The following RELN variants were observed in gnomAD, a reference collection of about 807,000 sequenced individuals.
The protein encoded by RELN is reelin.
A neutral mutation model predicts 427.6 loss-of-function variants in RELN; 108 were observed. The observed-to-expected ratio is 0.25, with a 90% CI of 0.22 to 0.30. The LOEUF (loss-of-function observed/expected upper bound fraction) is 0.30, where lower values mean the gene tolerates loss of function less well. Ranked by LOEUF, RELN falls within the 10% of genes least tolerant of loss-of-function variation. RELN has a pLI of 1.00. For synonymous variants in RELN, 1,524 were observed against 1,513.4 expected, an observed-to-expected ratio of 1.01 and a Z score of -0.16; for missense variants, 3,715 against 4,302.8, an observed-to-expected ratio of 0.86 and a Z score of 3.82.
chr7:103,972,065 CCT>C (rs1345317828), intron 1 of RELN, among the ~76,000 whole-genome samples: 1 of 151,848 alleles, frequency 6.6e-6, no homozygotes, highest in African/African-American at 2.4e-5. Context: ...AGAGCGAGAC[CCT>C]CTCTCAAAAA....
chr7:103,949,504 A>T (rs180673834), intron 1 of RELN, among the ~76,000 whole-genome samples: 80 of 152,232 alleles, frequency 5.3e-4, no homozygotes, highest in African/African-American at 1.7e-3. Context: ...AGGAAGAGAC[A>T]CAAGACAGCT....
At chr7:103,965,422 T>C (rs1796641439) in intron 1 of RELN, among the ~76,000 whole-genome samples, 1 of 152,202 alleles carries the variant, frequency 6.6e-6, no homozygotes, top group Non-Finnish European at 1.5e-5. Context: ...AAACACATTA[T>C]AGAGTGGCCT....
chr7:103,524,415 CAG>C (rs1584263770), intron 46 of RELN, among the ~76,000 whole-genome samples: 1 of 152,158 alleles, frequency 6.6e-6, no homozygotes, highest in Admixed American at 6.5e-5. Flanking sequence ...AAAGCTAAAA[CAG>C]AGGTTCTCCC....
intron 13 of RELN, among the ~76,000 whole-genome samples, chr7:103,653,064 A>G (rs1459846963): frequency 5.9e-5 from 9 of 152,044 alleles, no homozygotes. Context: ...ATGTGTATCC[A>G]TTTTATTTAA....
intron 20 of RELN, among the ~76,000 whole-genome samples, chr7:103,629,254 A>T (rs139490891): frequency 6.6e-6 from 1 of 152,196 alleles, no homozygotes; most frequent in Non-Finnish European, 1.5e-5. Flanking sequence ...ACTGATGTAC[A>T]TGAAGTACTA....
chr7:103,794,132 G>T (rs1386828204), intron 3 of RELN, among the ~76,000 whole-genome samples: 1 of 152,082 alleles, frequency 6.6e-6, no homozygotes, highest in Non-Finnish European at 1.5e-5. Context: ...TATTTAAAAT[G>T]CTGATACTAA....
At chr7:103,981,779 C>T (rs539818990) in intron 1 of RELN, among the ~76,000 whole-genome samples, 1 of 152,340 alleles carries the variant, frequency 6.6e-6, no homozygotes, top group East Asian at 1.9e-4. Context: ...ATGGTTGTAT[C>T]ATCTCCGAGC....
In RELN at chr7:103,720,484, A is replaced by C. The variant is rs188644263; in HGVS notation, c.805+2656T>G. 2.8e-3 allele frequency among the ~76,000 whole-genome samples: 423 copies of C among 152,252 alleles called. 2 individuals carry two copies. The highest frequency in any genetic ancestry group is 4.2e-3 in the Non-Finnish European group (283 of 68,004). On this transcript the variant is annotated intron_variant, in intron 8 of 64. Coordinates refer to ENST00000428762, the MANE Select transcript of RELN (RefSeq NM_005045.4). Reference sequence around the variant, plus strand: ...GCTTGAATCATTGTGTTATACAGTGAACATTTAACATTTAATATCCTAAAG... The same window carrying C: ...GCTTGAATCATTGTGTTATACAGTGCACATTTAACATTTAATATCCTAAAG...
intron 1 of RELN, among the ~76,000 whole-genome samples, chr7:103,965,656 A>C (rs544797667): frequency 4.6e-5 from 7 of 152,206 alleles, no homozygotes; most frequent in Admixed American, 6.5e-5. Context: ...AGTGGCAATA[A>C]TAACACATTT....
intron 57 of RELN, among the ~76,000 whole-genome samples, chr7:103,494,748 T>C (rs1258608769): frequency 6.6e-6 from 1 of 152,144 alleles, no homozygotes; most frequent in African/African-American, 2.4e-5. Flanking sequence ...TTTCATCCTA[T>C]ATGAATCAAG....
intron 2 of RELN, among the ~76,000 whole-genome samples, chr7:103,846,694 T>C (rs1456446751): frequency 6.6e-6 from 1 of 152,224 alleles, no homozygotes. Flanking sequence ...AAAGGGCTAA[T>C]ATCCAGAATC....
intron 46 of RELN, among the ~76,000 whole-genome samples, chr7:103,530,634 A>G (rs1014669491): frequency 2.0e-5 from 3 of 152,114 alleles, no homozygotes; most frequent in Admixed American, 2.0e-4. Flanking sequence ...TCCAGATATG[A>G]GCCCTCTGCT....
At chr7:103,943,774 G>A (rs550834120) in intron 1 of RELN, among the ~76,000 whole-genome samples, 10 of 139,840 alleles carry the variant, frequency 7.2e-5, no homozygotes, top group African/African-American at 2.7e-4. Flanking sequence ...CTTGAACCCA[G>A]GACACAGAGG....
chr7:103,777,688 C>T (rs1435219857), intron 3 of RELN, among the ~76,000 whole-genome samples: 1 of 152,142 alleles, frequency 6.6e-6, no homozygotes, highest in East Asian at 1.9e-4. Context: ...CTCTGGCCCA[C>T]GTGTGGATGC....
At chr7:103,581,788 G>A (rs1012880187) in intron 28 of RELN, among the ~76,000 whole-genome samples, 1 of 151,992 alleles carries the variant, frequency 6.6e-6, no homozygotes, top group Non-Finnish European at 1.5e-5. Context: ...TTGGAATGCT[G>A]GAGCCCGCCG....
intron 2 of RELN, among the ~76,000 whole-genome samples, chr7:103,846,410 T>G (rs1793678788): frequency 6.6e-6 from 1 of 152,150 alleles, no homozygotes; most frequent in Admixed American, 6.5e-5. Context: ...TCCTTACACT[T>G]TATACAAAAA....
intron 2 of RELN, among the ~76,000 whole-genome samples, chr7:103,868,437 A>T (rs757991379): frequency 2.0e-4 from 31 of 152,236 alleles, no homozygotes; most frequent in Non-Finnish European, 3.7e-4. Context: ...GAAAACGTAA[A>T]ATGAGAAACT....
chr7:103,920,655 C>G (rs1795598408), intron 1 of RELN, among the ~76,000 whole-genome samples: 1 of 148,908 alleles, frequency 6.7e-6, no homozygotes, highest in Non-Finnish European at 1.5e-5. Flanking sequence ...CTCACTGCAG[C>G]CTCCACCTCC....
chr7:103,936,701 G>A (rs1795992279), intron 1 of RELN, among the ~76,000 whole-genome samples: 1 of 146,752 alleles, frequency 6.8e-6, no homozygotes, highest in African/African-American at 2.5e-5. Flanking sequence ...CTTTTACTGG[G>A]AAATTCCTAC....
Sources: gnomAD v4.1 joint callset for allele counts (sites outside exome capture counted in the v4.1 genomes callset) on GRCh38, gnomAD v4.1.1 for gene constraint, MANE v1.5 for transcripts, NCBI Gene and HGNC (gene_info 2026-07-23, HGNC 2026-07-21) for gene names.